The following MYO1E variants were observed in gnomAD, a reference collection of about 807,000 sequenced individuals.
The protein encoded by MYO1E is myosin IE.
In MYO1E, 68 loss-of-function variants were observed where a neutral mutation model predicts 151.1. That is an observed-to-expected ratio of 0.45 (90% CI 0.37 to 0.55). MYO1E has a LOEUF of 0.55. MYO1E is among the 20% of genes least tolerant of loss of function. The pLI is 0.00. For missense variants in MYO1E, 1,363 were observed against 1,389.3 expected (o/e 0.98, Z 0.30); for synonymous variants, 601 against 501.7 (o/e 1.20, Z -2.64).
At chr15:59,255,210 G>A (rs891535818) in intron 4 of MYO1E, among the ~76,000 whole-genome samples, 1 of 151,902 alleles carries the variant, frequency 6.6e-6, no homozygotes, top group Admixed American at 6.6e-5. Context: ...GACTTCCCTG[G>A]CTCAAGTGAT....
At chr15:59,338,706 C>T (rs560132429) in intron 1 of MYO1E, among the ~76,000 whole-genome samples, 11 of 152,126 alleles carry the variant, frequency 7.2e-5, no homozygotes, top group Non-Finnish European at 1.5e-4. Context: ...TCCTTGAAAA[C>T]CCATTTGGGT....
intron 5 of MYO1E, among the ~76,000 whole-genome samples, chr15:59,234,212 T>TGATGGATGGATGGATGGATGGATG (rs534252194): frequency 1.3e-5 from 2 of 149,042 alleles, no homozygotes; most frequent in African/African-American, 5.0e-5. Flanking sequence ...CACTGATCAC[T>TGATGGATGGATGGATGGATGGATG]GATGGATGGA....
chr15:59,149,564 G>A (rs1313633672), intron 26 of MYO1E, among the ~76,000 whole-genome samples: 1 of 152,206 alleles, frequency 6.6e-6, no homozygotes, highest in African/African-American at 2.4e-5. Context: ...AAAGAATCCA[G>A]TTGGGATGGT....
intron 1 of MYO1E, among the ~76,000 whole-genome samples, chr15:59,299,495 G>C (rs1483403143): frequency 6.6e-6 from 1 of 152,174 alleles, no homozygotes; most frequent in Non-Finnish European, 1.5e-5. Context: ...CTTGGGGATA[G>C]GATGATGTTT....
intron 22 of MYO1E, among the ~76,000 whole-genome samples, chr15:59,170,123 T>G (rs1354956671): frequency 1.3e-5 from 2 of 152,148 alleles, no homozygotes; most frequent in African/African-American, 4.8e-5. Flanking sequence ...ATCACGCCAC[T>G]GCACTCCAGC....
At chr15:59,279,331 G>A (rs907585901) in intron 1 of MYO1E, among the ~76,000 whole-genome samples, 22 of 152,110 alleles carry the variant, frequency 1.4e-4, no homozygotes, top group Admixed American at 1.2e-3. Context: ...CACCACTAGA[G>A]CAAACATATA....
Position 59,178,547 on chromosome 15 carries a change from C to T in MYO1E, c.1905-10G>A, listed in dbSNP as rs370788773. ...GGTCAGAATGGCATACCTGTGGGGACATTGGGGAGAAGAGAATCACACTTG... is the reference window on the plus strand; with the variant it reads ...GGTCAGAATGGCATACCTGTGGGGATATTGGGGAGAAGAGAATCACACTTG... On this transcript the variant is annotated splice_polypyrimidine_tract_variant and intron_variant, in intron 18 of 27. Transcript: ENST00000288235. 9.9e-5 allele frequency: 160 copies of T among 1,613,622 alleles called. No individual in the cohort carries two copies. Among genetic ancestry groups the T allele is most frequent in the Non-Finnish European group, 1.3e-4 (149 of 1,179,750 alleles).
chr15:59,184,513 A>AC lies in MYO1E; in HGVS notation c.1904+3604dup, dbSNP rs371337502. 1.6e-3 allele frequency among the ~76,000 whole-genome samples: 237 copies of AC among 151,806 alleles called. 1 individual carries two copies. Among genetic ancestry groups the AC allele is most frequent in the African/African-American group, 5.5e-3 (229 of 41,352 alleles). On this transcript the variant is annotated intron_variant, in intron 18 of 27. Coordinates refer to ENST00000288235, the MANE Select transcript of MYO1E (RefSeq NM_004998.4). ...GTAGCTGGCATTACAGGCATGGGAC[A>AC]CCACACTTGGCTAAGTTTTGTATTT...
At chr15:59,248,677 G>C (rs1025059277) in intron 4 of MYO1E, among the ~76,000 whole-genome samples, 1 of 151,960 alleles carries the variant, frequency 6.6e-6, no homozygotes, top group African/African-American at 2.4e-5. Context: ...AAAGGGGGTT[G>C]ACTTACAGCA....
At chr15:59,324,171 G>C (rs893204796) in intron 1 of MYO1E, among the ~76,000 whole-genome samples, 29 of 152,164 alleles carry the variant, frequency 1.9e-4, no homozygotes, top group African/African-American at 7.0e-4. Flanking sequence ...TGGGCAGTGA[G>C]GCAGTGAATG....
At chr15:59,174,268 G>A in intron 19 of MYO1E, 28 bp from the exon 20 acceptor site, 2 of 1,531,632 alleles carry the variant, frequency 1.3e-6, no homozygotes, top group East Asian at 2.2e-5. Flanking sequence ...ACAAATGTGA[G>A]CCAAGCCCCA....
At position 59,371,884 on chromosome 15, in the gene MYO1E, C is replaced by T. The variant is rs573953876; in HGVS notation, c.3+614G>A. On this transcript the variant is annotated intron_variant, in intron 1 of 27. Coordinates refer to ENST00000288235, the MANE Select transcript of MYO1E (RefSeq NM_004998.4). ...TGGCTCTTGACAGCCCGCCGGCCGC[C>T]AGGTGCTCGCCCTACCTGGCGCCCC... Among the ~76,000 whole-genome samples, 531 of 151,382 alleles carry T rather than the reference C, an allele frequency of 3.5e-3. 4 individuals are homozygous for T. The highest frequency in any genetic ancestry group is 0.012 in the African/African-American group (510 of 41,454).
intron 4 of MYO1E, among the ~76,000 whole-genome samples, chr15:59,248,868 C>T (rs2080147056): frequency 6.6e-6 from 1 of 152,180 alleles, no homozygotes; most frequent in Admixed American, 6.5e-5. Flanking sequence ...CTCTATCCAG[C>T]GTTCTCGTGG....
intron 1 of MYO1E, among the ~76,000 whole-genome samples, chr15:59,362,341 C>T (rs761456690): frequency 4.6e-5 from 7 of 152,176 alleles, no homozygotes; most frequent in Non-Finnish European, 1.0e-4. Context: ...ATCAAACAAG[C>T]CACATGTATT....
chr15:59,258,134 G>A (rs139002523), intron 3 of MYO1E, among the ~76,000 whole-genome samples: 1,575 of 152,246 alleles, frequency 0.01, 32 homozygotes, highest in African/African-American at 0.036. Context: ...ATCACTTGAG[G>A]TCAGGAGTCC....
In MYO1E at chr15:59,216,643, A is replaced by AGTGTGTGTGTGTCTGTGTGTGTGTGT. The variant is rs2079917170; in HGVS notation, c.1107+1247_1107+1248insACACACACACACAGACACACACACAC. 6.0e-4 allele frequency among the ~76,000 whole-genome samples: 26 copies of AGTGTGTGTGTGTCTGTGTGTGTGTGT among 43,474 alleles called. 1 individual carries two copies. Among genetic ancestry groups the AGTGTGTGTGTGTCTGTGTGTGTGTGT allele is most frequent in the African/African-American group, 2.3e-3 (25 of 11,002 alleles). The allele number at this position is 43,474 out of a possible 152,430, so 28.5% of individuals were successfully genotyped here. The stretch of plus-strand genomic sequence containing the variant: ...CTATCTTTTGGATCGAAGGGCCCCC[A>AGTGTGTGTGTGTCTGTGTGTGTGTGT]GTGTGTGTGTGTGTGTGTATGTGTA... On this transcript the variant is annotated intron_variant, in intron 10 of 27. Transcript: ENST00000288235.
intron 1 of MYO1E, among the ~76,000 whole-genome samples, chr15:59,287,721 T>C (rs1317338282): frequency 6.6e-6 from 1 of 152,168 alleles, no homozygotes; most frequent in Non-Finnish European, 1.5e-5. Flanking sequence ...GACATGCACA[T>C]TGAGTACATT....
Position 59,171,920 on chromosome 15 carries a change from T to C in MYO1E, c.2457A>G (p.Glu819=). The C allele has an allele frequency of 6.2e-7, 1 of 1,614,144 alleles. No individual in the cohort carries two copies. The highest frequency in any genetic ancestry group is 8.5e-7 in the Non-Finnish European group (1 of 1,180,010). Residue 819 remains glutamate, a synonymous_variant, in exon 22 of 28, where the codon GAA becomes GAG. Coordinates refer to ENST00000288235, the MANE Select transcript of MYO1E (RefSeq NM_004998.4). ...ACCTGAGGGACACAGACAAGATCCG[T>C]TCTATCTCGATTTTCCGCTTCAGGA... ...KEVLKRKIEI[E]RILSVSLSTM...
intron 17 of MYO1E, among the ~76,000 whole-genome samples, chr15:59,190,945 A>C (rs905854575): frequency 1.3e-5 from 2 of 152,102 alleles, no homozygotes; most frequent in Non-Finnish European, 2.9e-5. Context: ...GGGCTGTGAA[A>C]GCAAAGGTAC....
Sources: gnomAD v4.1 joint callset for allele counts (sites outside exome capture counted in the v4.1 genomes callset) on GRCh38, gnomAD v4.1.1 for gene constraint, MANE v1.5 for transcripts, NCBI Gene and HGNC (gene_info 2026-07-23, HGNC 2026-07-21) for gene names.